NME9: variants seen among roughly 807,000 people sequenced by gnomAD.
NME9 encodes thioredoxin domain-containing protein 6.
In NME9, 48 loss-of-function variants were observed where a neutral mutation model predicts 44.4. The ratio of observed to expected loss-of-function variants is 1.08; its 90% CI spans 0.86 to 1.37. The LOEUF is 1.37. Among genes scored for constraint, NME9 ranks in the 40% most tolerant of loss-of-function variants. The pLI is 0.00. For missense variants in NME9, 325 were observed against 405.2 expected, an observed-to-expected ratio of 0.80 and a Z score of 1.70; for synonymous variants, 139 against 147.1, an observed-to-expected ratio of 0.94 and a Z score of 0.40.
At chr3:138,287,261 C>G (rs1399813805) in intron 8 of NME9, among the ~76,000 whole-genome samples, 3 of 152,174 alleles carry the variant, frequency 2.0e-5, no homozygotes, top group African/African-American at 7.2e-5. Context: ...TTGGCTACAC[C>G]TACTTCTCTG....
rs1166329445 is a variant in NME9, at chr3:138,324,891, T to C, written c.73A>G (p.Ser25Gly). ...GAATTACCAGTTAGTCCTTTGGAAC[T>C]GAGCATTTCCTCCCAAAGCTCTTGG... is the stretch of plus-strand genomic sequence containing the variant. ...STQELWEEML[S>G]SKGLTVVDVY... The change falls in exon 2 of 11, where the codon AGT becomes GGT. Residue 25 changes from serine to glycine, a missense_variant. Coordinates refer to ENST00000333911, the MANE Select transcript of NME9 (RefSeq NM_001349018.2). 4 of 1,613,416 alleles carry C rather than the reference T, an allele frequency of 2.5e-6. No homozygotes were observed. The African/African-American group carries it at 4.0e-5, about 16-fold the overall frequency.
intron 4 of NME9, among the ~76,000 whole-genome samples, chr3:138,317,400 G>T (rs985939176): frequency 1.3e-5 from 2 of 152,192 alleles, no homozygotes; most frequent in African/African-American, 4.8e-5. Flanking sequence ...CTACAATGAG[G>T]GGCTGGTCTC....
At chr3:138,277,786 G>A (rs985830332) in intron 8 of NME9, among the ~76,000 whole-genome samples, 4 of 152,074 alleles carry the variant, frequency 2.6e-5, no homozygotes, top group Admixed American at 6.6e-5. Flanking sequence ...ATTCCTAGCC[G>A]TTTACTCACA....
At chr3:138,310,952 A>C (rs2052660301) in intron 6 of NME9, among the ~76,000 whole-genome samples, 1 of 152,196 alleles carries the variant, frequency 6.6e-6, no homozygotes, top group East Asian at 1.9e-4. Flanking sequence ...AAAATACAGA[A>C]GATCAATGAA....
Position 138,270,514 on chromosome 3 carries a change from C to T in NME9, c.746-7928G>A, listed in dbSNP as rs77253301. ...TATGATACCAACCAGAGAGTTCTTA[C>T]CATACTTTATAGATGAAGTAAACTA... is the stretch of plus-strand genomic sequence containing the variant. On this transcript the variant is annotated intron_variant, in intron 8 of 8. Coordinates refer to the NME9 transcript ENST00000317876. Among the ~76,000 whole-genome samples, 25 of 152,196 alleles carry T rather than the reference C, an allele frequency of 1.6e-4. No individual in the cohort carries two copies. The East Asian group carries it at 4.8e-3, about 29-fold the overall frequency.
intron 8 of NME9, among the ~76,000 whole-genome samples, chr3:138,291,772 CAG>C (rs1055559039): frequency 1.3e-5 from 2 of 152,062 alleles, no homozygotes; most frequent in African/African-American, 4.8e-5. Flanking sequence ...GTATTACAGA[CAG>C]GGGTGATAGT....
At position 138,284,896 on chromosome 3, in the gene NME9, C is replaced by T. The variant is rs556560188; in HGVS notation, c.745+18611G>A. The stretch of plus-strand genomic sequence containing the variant: ...CCTCTAGCCCCCTGGCACCATAGTT[C>T]CTTTACCTGTTTGCTTCTAAACAAT... On this transcript the variant is annotated intron_variant, in intron 8 of 8. Coordinates refer to the NME9 transcript ENST00000317876. 5.3e-5 allele frequency among the ~76,000 whole-genome samples: 8 copies of T among 152,304 alleles called. No homozygotes were observed. In the South Asian group the frequency reaches 1.0e-3, roughly 20 times the overall value.
At chr3:138,325,255 TTG>T (rs1348628928) in intron 1 of NME9, among the ~76,000 whole-genome samples, 1 of 152,220 alleles carries the variant, frequency 6.6e-6, no homozygotes, top group Non-Finnish European at 1.5e-5. Context: ...ATTTTGAAAT[TTG>T]TGTTTTCACT....
chr3:138,273,012 C>T, intron 8 of NME9: 1 of 1,605,840 alleles, frequency 6.2e-7, no homozygotes, highest in Non-Finnish European at 8.5e-7. Context: ...AGATATTTTA[C>T]GAAGCTTGAG....
At chr3:138,302,893 T>A (rs886270712) in intron 10 of NME9, among the ~76,000 whole-genome samples, 2 of 152,178 alleles carry the variant, frequency 1.3e-5, no homozygotes, top group Non-Finnish European at 2.9e-5. Context: ...GTTCCACTGG[T>A]TGTGGGGTAG....
intron 8 of NME9, chr3:138,270,252 T>C (rs2048663067): frequency 1.3e-6 from 1 of 772,480 alleles, no homozygotes; most frequent in East Asian, 2.8e-5. Context: ...TCTGGCTATT[T>C]TGTTCTAGTT....
intron 8 of NME9, chr3:138,270,179 C>T (rs534718040): frequency 3.3e-5 from 44 of 1,338,174 alleles, no homozygotes; most frequent in Non-Finnish European, 4.4e-5. Flanking sequence ...AGGAATACAG[C>T]TATTGTCTAA....
At chr3:138,268,046 C>T (rs1258195265) in intron 8 of NME9, among the ~76,000 whole-genome samples, 2 of 152,012 alleles carry the variant, frequency 1.3e-5, no homozygotes, top group Non-Finnish European at 2.9e-5. Flanking sequence ...AGTTTGAGAC[C>T]AGCCTGGCCA....
intron 2 of NME9, chr3:138,324,386 T>C (rs1411171167): frequency 4.5e-6 from 2 of 446,786 alleles, no homozygotes; most frequent in South Asian, 1.6e-5. Context: ...ATGTTTGTTG[T>C]TGTAAAGCAC....
chr3:138,325,630 A>T (rs1319258953), intron 1 of NME9, among the ~76,000 whole-genome samples: 5 of 151,662 alleles, frequency 3.3e-5, no homozygotes, highest in African/African-American at 7.3e-5. Context: ...CTGGTCTCGA[A>T]CTCCTGACCT....
intron 8 of NME9, chr3:138,270,062 T>C (rs371861172): frequency 6.2e-7 from 1 of 1,613,390 alleles, no homozygotes; most frequent in Non-Finnish European, 8.5e-7. Flanking sequence ...TCAGGAGCCG[T>C]AGAGCTACTT....
At chr3:138,288,762 C>T (rs2050667112) in intron 8 of NME9, among the ~76,000 whole-genome samples, 1 of 151,596 alleles carries the variant, frequency 6.6e-6, no homozygotes. Context: ...CTCAGCCTCC[C>T]TAGTAGCTGA....
chr3:138,305,491 T>C lies in NME9; in HGVS notation c.637-464A>G, dbSNP rs371316497. 5.3e-5 allele frequency among the ~76,000 whole-genome samples: 8 copies of C among 152,246 alleles called. No homozygotes were observed. The East Asian group carries it at 7.7e-4, about 15-fold the overall frequency. On this transcript the variant is annotated intron_variant, in intron 8 of 10. Transcript: ENST00000333911. ...TGGGGAACAGCCCTTACCCATTTCATTTGGTCCAAGTTTGACTGACAACCA... is the reference window on the plus strand; with the variant it reads ...TGGGGAACAGCCCTTACCCATTTCACTTGGTCCAAGTTTGACTGACAACCA...
chr3:138,312,152 A>T (rs1480107670), intron 6 of NME9, among the ~76,000 whole-genome samples: 1 of 152,188 alleles, frequency 6.6e-6, no homozygotes, highest in African/African-American at 2.4e-5. Flanking sequence ...TTCCATGCTG[A>T]TGGATTGGGA....
Sources: allele counts gnomAD v4.1 joint callset (sites outside exome capture counted in the v4.1 genomes callset), GRCh38; gene constraint gnomAD v4.1.1; transcripts MANE v1.5; gene names NCBI Gene and HGNC (gene_info 2026-07-23, HGNC 2026-07-21).